NHERF4: variants seen among roughly 807,000 people sequenced by gnomAD.
The protein encoded by NHERF4 is NHERF family PDZ scaffold protein 4, also known as Na(+)/H(+) exchange regulatory cofactor NHE-RF4.
the NHERF4 span, chr11:119,188,740 T>G: frequency 6.2e-7 from 1 of 1,614,218 alleles, no homozygotes; most frequent in Non-Finnish European, 8.5e-7. Flanking sequence ...GACCCTTCAC[T>G]TGAAGACACA....
the NHERF4 span, chr11:119,188,278 T>G: frequency 6.3e-7 from 1 of 1,589,898 alleles, no homozygotes; most frequent in Non-Finnish European, 8.6e-7. Context: ...TCCCGTTCAC[T>G]CTGGGGTCAG....
the NHERF4 span, chr11:119,186,292 G>C: frequency 6.2e-7 from 1 of 1,601,124 alleles, no homozygotes; most frequent in Admixed American, 1.7e-5. The surrounding 1 kb of genome is among the most constrained non-coding windows in gnomAD (Gnocchi z 4.4). Context: ...TGGGAGTAGA[G>C]ATAGGAGGGG....
chr11:119,187,276 C>G, the NHERF4 span: 1 of 1,596,752 alleles, frequency 6.3e-7, no homozygotes, highest in African/African-American at 1.3e-5. Flanking sequence ...CCAGGTGGTA[C>G]GCCGCATCCG....
the NHERF4 span, chr11:119,188,203 G>T: frequency 9.2e-6 from 14 of 1,520,832 alleles, no homozygotes; most frequent in Non-Finnish European, 1.1e-5. Flanking sequence ...GCACACAAGC[G>T]TATATACACC....
chr11:119,188,717 G>C, the NHERF4 span: 7 of 1,614,180 alleles, frequency 4.3e-6, no homozygotes, highest in Non-Finnish European at 5.9e-6. Context: ...CAGCCTCACT[G>C]GTTGAGACAG....
At chr11:119,188,711 C>A in the NHERF4 span, 1 of 1,614,194 alleles carries the variant, frequency 6.2e-7, no homozygotes, top group Non-Finnish European at 8.5e-7. Context: ...GCAGCTCAGC[C>A]TCACTGGTTG....
At chr11:119,186,166 G>A in the NHERF4 span, 3 of 1,614,064 alleles carry the variant, frequency 1.9e-6, no homozygotes, top group Non-Finnish European at 2.5e-6. The surrounding 1 kb of genome is among the most constrained non-coding windows in gnomAD (Gnocchi z 4.4). Flanking sequence ...GACCCCTATG[G>A]TAACTCCCTC....
At chr11:119,188,614 G>A in the NHERF4 span, 1 of 1,613,146 alleles carries the variant, frequency 6.2e-7, no homozygotes, top group Non-Finnish European at 8.5e-7. Context: ...AGGTCCGAAA[G>A]ATTTGCTCTC....
the NHERF4 span, chr11:119,188,487 AG>A: frequency 6.2e-7 from 1 of 1,609,744 alleles, no homozygotes; most frequent in African/African-American, 1.3e-5. Context: ...TCCAGGATCC[AG>A]GGGCAGGGCT....
the NHERF4 span, chr11:119,187,977 C>T: frequency 6.4e-7 from 1 of 1,574,660 alleles, no homozygotes; most frequent in Non-Finnish European, 8.6e-7. Context: ...TTGCTGGTGG[C>T]AGGGCCAGAG....
the NHERF4 span, chr11:119,187,587 G>C: frequency 6.3e-7 from 1 of 1,589,504 alleles, no homozygotes; most frequent in Non-Finnish European, 8.6e-7. Flanking sequence ...TTTCTGGTTG[G>C]TGCTAAGTAC....
At chr11:119,187,233 T>C in the NHERF4 span, 3 of 1,531,634 alleles carry the variant, frequency 2.0e-6, no homozygotes, top group Non-Finnish European at 2.6e-6. Context: ...GGCAAGAGGG[T>C]CTAGACCAAA....
At chr11:119,185,852 A>G in the NHERF4 span, 3 of 1,601,436 alleles carry the variant, frequency 1.9e-6, no homozygotes, top group Non-Finnish European at 2.6e-6. Flanking sequence ...CTTTTAGTTT[A>G]TGCCAATGGA....
the NHERF4 span, chr11:119,187,531 AGACT>A: frequency 6.2e-7 from 1 of 1,607,344 alleles, no homozygotes; most frequent in Non-Finnish European, 8.5e-7. Flanking sequence ...GGCAGGAAAC[AGACT>A]GGACCTTGCT....
At chr11:119,190,134 A>G in the NHERF4 span, 2 of 648,412 alleles carry the variant, frequency 3.1e-6, no homozygotes, top group South Asian at 2.5e-5. The surrounding 1 kb of genome is among the most constrained non-coding windows in gnomAD (Gnocchi z 4.2). Context: ...AGATGTCTGT[A>G]TGACAGCCAC....
the NHERF4 span, chr11:119,186,575 G>A: frequency 6.2e-7 from 1 of 1,614,156 alleles, no homozygotes; most frequent in Non-Finnish European, 8.5e-7. This position sits in a 1 kb window ranked among gnomAD's most constrained non-coding sequence, Gnocchi z 4.4. Context: ...GGCAGGGCTG[G>A]GCATGTGGTG....
the NHERF4 span, chr11:119,187,603 G>C: frequency 6.3e-7 from 1 of 1,584,480 alleles, no homozygotes; most frequent in Non-Finnish European, 8.6e-7. Context: ...AGTACTGGAG[G>C]AGCAGCTGAG....
At chr11:119,189,445 C>T in the NHERF4 span, 2 of 1,614,030 alleles carry the variant, frequency 1.2e-6, no homozygotes, top group Non-Finnish European at 8.5e-7. This position sits in a 1 kb window ranked among gnomAD's most constrained non-coding sequence, Gnocchi z 5.8. Context: ...TGACCTTCTA[C>T]CTCCTCTCTC....
chr11:119,185,559 G>A, the NHERF4 span: 1 of 1,572,820 alleles, frequency 6.4e-7, no homozygotes, highest in South Asian at 1.1e-5. Context: ...GACAGGCAGG[G>A]GGCCGACTTG....
Sources: gnomAD v4.1 joint callset for allele counts on GRCh38, gnomAD v4.1.1 for gene constraint, Gnocchi (gnomAD v3.1) non-coding constraint, MANE v1.5 for transcripts, NCBI Gene and HGNC (gene_info 2026-07-23, HGNC 2026-07-21) for gene names.